PGAP1: variants seen among roughly 807,000 people sequenced by gnomAD.
PGAP1 encodes the protein post-GPI attachment to proteins inositol deacylase 1.
PGAP1 carries 76 observed loss-of-function variants against 127.0 expected under a neutral mutation model. That is an observed-to-expected ratio of 0.60 (90% confidence interval 0.50 to 0.72). PGAP1 has a LOEUF of 0.72. PGAP1 is among the 30% of genes least tolerant of loss of function. PGAP1 has a pLI of 0.00. For missense variants in PGAP1, 982 were observed against 1,071.3 expected (o/e 0.92, Z 1.16); for synonymous variants, 362 against 366.5 (o/e 0.99, Z 0.14).
At chr2:196,914,105 A>G (rs967641307) in intron 3 of PGAP1, among the ~76,000 whole-genome samples, 8 of 152,106 alleles carry the variant, frequency 5.3e-5, no homozygotes, top group Non-Finnish European at 8.8e-5. Context: ...GCCAAACCCT[A>G]CAACTGTGCT....
chr2:196,913,948 A>G (rs1189097891), intron 3 of PGAP1, among the ~76,000 whole-genome samples: 1 of 152,192 alleles, frequency 6.6e-6, no homozygotes, highest in East Asian at 1.9e-4. Flanking sequence ...GAGGGTATCT[A>G]TGTGATAAGT....
At chr2:196,888,873 C>T (rs1402064260) in intron 10 of PGAP1, among the ~76,000 whole-genome samples, 1 of 151,444 alleles carries the variant, frequency 6.6e-6, no homozygotes, top group African/African-American at 2.4e-5. Context: ...AATAAAATGC[C>T]CAGAATTTAC....
At chr2:196,876,590 A>G (rs1189310346) in intron 13 of PGAP1, among the ~76,000 whole-genome samples, 1 of 152,054 alleles carries the variant, frequency 6.6e-6, no homozygotes, top group Non-Finnish European at 1.5e-5. Flanking sequence ...TAATCTCTAC[A>G]ATGCAATCAT....
intron 5 of PGAP1, among the ~76,000 whole-genome samples, chr2:196,899,699 C>T (rs1702411139): frequency 1.3e-5 from 2 of 152,216 alleles, no homozygotes; most frequent in Admixed American, 6.5e-5. Flanking sequence ...TCTTTTCTTG[C>T]ACACTTGGCT....
intron 1 of PGAP1, among the ~76,000 whole-genome samples, chr2:196,924,907 A>G (rs114045107): frequency 0.01 from 1,547 of 152,322 alleles, 25 homozygotes; most frequent in African/African-American, 0.035. Flanking sequence ...GGGAATTAGT[A>G]CTGTACTGTC....
intron 3 of PGAP1, among the ~76,000 whole-genome samples, chr2:196,913,681 C>T (rs1267829602): frequency 1.3e-5 from 2 of 152,198 alleles, no homozygotes; most frequent in African/African-American, 4.8e-5. Context: ...CAACACAGAT[C>T]CTTCCTATGT....
At chr2:196,850,249 C>T (rs900650016) in intron 20 of PGAP1, among the ~76,000 whole-genome samples, 2 of 152,192 alleles carry the variant, frequency 1.3e-5, no homozygotes, top group African/African-American at 4.8e-5. Flanking sequence ...GTTGGTTTCT[C>T]TTAACCCTGC....
chr2:196,841,189 G>T lies in PGAP1; in HGVS notation c.*45C>A. ...GATCTGTGTGTTCCCTCTTATCACT[G>T]GCCCTAAACACATAAATTATCTTCA... On this transcript the variant is annotated 3_prime_UTR_variant, in exon 27 of 27. Coordinates refer to ENST00000354764, the MANE Select transcript of PGAP1 (RefSeq NM_024989.4). The T allele has an allele frequency of 6.4e-7, 1 of 1,565,758 alleles. No individual in the cohort carries two copies. Among genetic ancestry groups the T allele is most frequent in the Non-Finnish European group, 8.7e-7 (1 of 1,153,088 alleles).
chr2:196,842,707 T>C lies in PGAP1; in HGVS notation c.2630+14A>G. Reference sequence around the variant, plus strand: ...AGAACAGATATAAGAAAAAGAAAGATTAAACTACTGTACCTTGATTTTATT... The same window carrying C: ...AGAACAGATATAAGAAAAAGAAAGACTAAACTACTGTACCTTGATTTTATT... On this transcript the variant is annotated intron_variant, in intron 26 of 26. Transcript: ENST00000354764. The C allele has an allele frequency of 7.2e-7, 1 of 1,383,818 alleles. No individual in the cohort carries two copies. 85.7% of individuals were successfully genotyped at this position (1,383,818 alleles called of 1,614,324 possible).
intron 1 of PGAP1, chr2:196,922,611 CACACAA>C: frequency 1.4e-6 from 1 of 726,396 alleles, no homozygotes; most frequent in Non-Finnish European, 1.7e-6. Flanking sequence ...CACACACACA[CACACAA>C]CAAAGCTTAA....
chr2:196,904,858 C>T (rs1411110105), intron 4 of PGAP1, among the ~76,000 whole-genome samples: 1 of 152,158 alleles, frequency 6.6e-6, no homozygotes, highest in African/African-American at 2.4e-5. Context: ...AGGGGCAGAG[C>T]AGCAGGAACC....
In PGAP1 at chr2:196,885,423, C is replaced by T; in HGVS notation, c.1272+1G>A. 6.3e-7 allele frequency: 1 copy of T among 1,592,170 alleles called. No homozygotes were observed. Among genetic ancestry groups the T allele is most frequent in the Non-Finnish European group, 8.6e-7 (1 of 1,166,462 alleles). ...ATTAAAATTCTGAAGCCATAATTTA[C>T]CTTAATTGTTGGCAGCAGTTCAGCT... is the stretch of plus-strand genomic sequence containing the variant. On this transcript the variant is annotated splice_donor_variant, in intron 12 of 26. Transcript: ENST00000354764. LOFTEE classifies it high-confidence loss of function.
chr2:196,873,209 T>C (rs929061934), intron 16 of PGAP1, among the ~76,000 whole-genome samples, 183 bp from the exon 17 acceptor site: 4 of 152,030 alleles, frequency 2.6e-5, no homozygotes, highest in Non-Finnish European at 5.9e-5. Context: ...AGATTTATAA[T>C]AGATATTACA....
intron 20 of PGAP1, among the ~76,000 whole-genome samples, chr2:196,850,146 C>T (rs1167019737): frequency 6.6e-6 from 1 of 152,202 alleles, no homozygotes; most frequent in Non-Finnish European, 1.5e-5. Flanking sequence ...ATGTTATCCA[C>T]TCCTAGAGCC....
chr2:196,867,384 C>T (rs1464036215), intron 19 of PGAP1, among the ~76,000 whole-genome samples: 2 of 152,104 alleles, frequency 1.3e-5, no homozygotes, highest in Non-Finnish European at 2.9e-5. Context: ...AACAGAAAAC[C>T]AAACACTGCA....
At chr2:196,916,718 G>C in intron 2 of PGAP1, 125 bp from the exon 3 acceptor site, 1 of 927,050 alleles carries the variant, frequency 1.1e-6, no homozygotes, top group Non-Finnish European at 1.5e-6. Context: ...ATTTCAGGAT[G>C]AAATTCATTA....
chr2:196,833,547 G>A lies in PGAP1; in HGVS notation c.*7687C>T, dbSNP rs1291273264. The A allele has an allele frequency of 6.6e-6, 1 of 152,120 alleles. No individual in the cohort carries two copies. Among genetic ancestry groups the A allele is most frequent in the Non-Finnish European group, 1.5e-5 (1 of 67,992 alleles). The allele number at this position is 152,120 out of a possible 1,614,324, so 9.4% of individuals were successfully genotyped here. ...AACTATAGTATAAAAATTGATGCAG[G>A]TTGAGAGCCATTTATTTTATTACAT... is the stretch of plus-strand genomic sequence containing the variant. On this transcript the variant is annotated 3_prime_UTR_variant, in exon 27 of 27. Transcript: ENST00000354764.
intron 18 of PGAP1, 47 bp from the exon 19 acceptor site, chr2:196,871,026 T>A (rs774244608): frequency 2.7e-5 from 36 of 1,350,920 alleles, no homozygotes; most frequent in Non-Finnish European, 2.5e-5. Context: ...TCCTCTAAAC[T>A]CCTTTACATT....
At chr2:196,887,171 T>C (rs1701937867) in intron 10 of PGAP1, among the ~76,000 whole-genome samples, 2 of 151,994 alleles carry the variant, frequency 1.3e-5, no homozygotes, top group African/African-American at 4.8e-5. Flanking sequence ...GATCACAACA[T>C]CAGGAGATCG....
Sources: allele counts gnomAD v4.1 joint callset (sites outside exome capture counted in the v4.1 genomes callset), GRCh38; gene constraint gnomAD v4.1.1; transcripts MANE v1.5; gene names NCBI Gene and HGNC (gene_info 2026-07-23, HGNC 2026-07-21).